CACNA2D3: variants seen among roughly 807,000 people sequenced by gnomAD.
CACNA2D3 encodes the protein calcium voltage-gated channel auxiliary subunit alpha2delta 3, also known as voltage-dependent calcium channel subunit alpha-2/delta-3.
Under a neutral mutation model 160.6 loss-of-function variants are expected in CACNA2D3, and 60 were observed. That is an observed-to-expected ratio of 0.37 (90% CI 0.30 to 0.46). The LOEUF is 0.46. Among genes scored for constraint, CACNA2D3 ranks in the 20% least tolerant of loss-of-function variants. The pLI is 1.00. For synonymous variants in CACNA2D3, 558 were observed against 492.9 expected (o/e 1.13, Z -1.75); for missense variants, 1,205 against 1,365.0 (o/e 0.88, Z 1.85).
intron 27 of CACNA2D3, among the ~76,000 whole-genome samples, chr3:54,924,200 T>C (rs922480107): frequency 6.6e-6 from 1 of 152,138 alleles, no homozygotes; most frequent in African/African-American, 2.4e-5. Context: ...AGTTGTCAAA[T>C]GGGTAGAAGC....
At chr3:54,185,512 G>A (rs1576985815) in intron 2 of CACNA2D3, among the ~76,000 whole-genome samples, 1 of 152,052 alleles carries the variant, frequency 6.6e-6, no homozygotes, top group African/African-American at 2.4e-5. Flanking sequence ...ATTTTTAGAG[G>A]TCAGTAACAT....
chr3:54,969,739 C>T, intron 28 of CACNA2D3, 61 bp from the exon 29 acceptor site: 1 of 1,436,824 alleles, frequency 7.0e-7, no homozygotes, highest in Non-Finnish European at 9.7e-7. Flanking sequence ...GCAGCCACAG[C>T]AGGCACTGGG....
intron 4 of CACNA2D3, among the ~76,000 whole-genome samples, chr3:54,457,322 G>T (rs1175363326): frequency 6.6e-6 from 1 of 151,866 alleles, no homozygotes; most frequent in Non-Finnish European, 1.5e-5. Context: ...TGACCCATTT[G>T]TTGTTCAAGA....
chr3:54,764,542 C>T (rs888275302), intron 13 of CACNA2D3, among the ~76,000 whole-genome samples, 191 bp downstream of exon 13: 1 of 152,190 alleles, frequency 6.6e-6, no homozygotes, highest in East Asian at 1.9e-4. Flanking sequence ...GAAAGTATGA[C>T]ACGTACTTCA....
chr3:54,468,445 A>G lies in CACNA2D3; in HGVS notation c.382-35047A>G, dbSNP rs565770198. On this transcript the variant is annotated intron_variant, in intron 4 of 37. Transcript: ENST00000474759. ...CAGTCTTTGCGACCTGCAGACCAGG[A>G]GATTCCCTCGGGTGCCTAGGCCACC... Among the ~76,000 whole-genome samples the G allele has an allele frequency of 3.9e-5, 6 of 152,314 alleles. No individual in the cohort carries two copies. In the South Asian group the frequency reaches 1.2e-3, roughly 32 times the overall value.
At chr3:54,953,372 G>A (rs776953415) in intron 27 of CACNA2D3, among the ~76,000 whole-genome samples, 15 of 152,150 alleles carry the variant, frequency 9.9e-5, no homozygotes, top group Non-Finnish European at 2.1e-4. Flanking sequence ...AACTGCTAAA[G>A]TGGTGGGGCC....
intron 4 of CACNA2D3, among the ~76,000 whole-genome samples, chr3:54,495,407 A>G (rs1701188022): frequency 1.3e-5 from 2 of 152,164 alleles, no homozygotes; most frequent in South Asian, 2.1e-4. Context: ...ATACAATTCA[A>G]TGAGTACTGA....
intron 2 of CACNA2D3, among the ~76,000 whole-genome samples, chr3:54,171,136 C>CTTTTTTTTTGTTTTTTTTTTTTTTTTT (rs1700558344): frequency 1.6e-5 from 1 of 62,542 alleles, no homozygotes; most frequent in Non-Finnish European, 2.9e-5. Context: ...AAGATGATGA[C>CTTTTTTTTTGTTTTTTTTTTTTTTTTT]TTTTTTTTTT....
chr3:54,499,489 T>G (rs1170065189), intron 4 of CACNA2D3, among the ~76,000 whole-genome samples: 1 of 152,184 alleles, frequency 6.6e-6, no homozygotes, highest in East Asian at 1.9e-4. Context: ...TTTTCTAAAG[T>G]AGAAGCTTAG....
At chr3:54,402,318 C>T (rs1017337083) in intron 4 of CACNA2D3, among the ~76,000 whole-genome samples, 1 of 151,988 alleles carries the variant, frequency 6.6e-6, no homozygotes, top group African/African-American at 2.4e-5. Flanking sequence ...ATTAAATTCT[C>T]CAACCAAAAG....
intron 27 of CACNA2D3, chr3:54,924,638 C>T: frequency 6.2e-7 from 1 of 1,613,800 alleles, no homozygotes; most frequent in Non-Finnish European, 8.5e-7. Flanking sequence ...CAAATTTCTC[C>T]AGCCAGAGTT....
At chr3:55,033,429 C>T (rs893866664) in intron 35 of CACNA2D3, among the ~76,000 whole-genome samples, 2 of 151,720 alleles carry the variant, frequency 1.3e-5, no homozygotes, top group Non-Finnish European at 2.9e-5. Context: ...GTGTCCCTCT[C>T]CTTGCATAGA....
At chr3:54,913,889 G>C (rs1700608489) in intron 27 of CACNA2D3, among the ~76,000 whole-genome samples, 1 of 152,124 alleles carries the variant, frequency 6.6e-6, no homozygotes, top group African/African-American at 2.4e-5. Flanking sequence ...ACGTGTTTTG[G>C]TTACTATGAG....
chr3:54,450,192 A>G (rs372279416), intron 4 of CACNA2D3, among the ~76,000 whole-genome samples: 1 of 152,158 alleles, frequency 6.6e-6, no homozygotes, highest in East Asian at 1.9e-4. Context: ...TGGCTTAAAA[A>G]CAACAGGAAT....
intron 2 of CACNA2D3, among the ~76,000 whole-genome samples, chr3:54,221,251 G>T (rs1331927710): frequency 6.6e-6 from 1 of 152,134 alleles, no homozygotes; most frequent in African/African-American, 2.4e-5. Flanking sequence ...ACTCTAAAAC[G>T]TTCAAATGTT....
intron 4 of CACNA2D3, among the ~76,000 whole-genome samples, chr3:54,449,318 A>G (rs923272670): frequency 6.6e-6 from 1 of 152,232 alleles, no homozygotes; most frequent in South Asian, 2.1e-4. Flanking sequence ...ACAGGAATTT[A>G]TCTCTATGTG....
intron 2 of CACNA2D3, among the ~76,000 whole-genome samples, chr3:54,180,078 T>G (rs1227074365): frequency 6.6e-6 from 1 of 150,808 alleles, no homozygotes; most frequent in African/African-American, 2.4e-5. Context: ...TTCTTTTTTT[T>G]TGGTTTTCTT....
intron 9 of CACNA2D3, among the ~76,000 whole-genome samples, chr3:54,587,622 G>C (rs1044919216): frequency 2.0e-5 from 3 of 151,968 alleles, no homozygotes; most frequent in Non-Finnish European, 4.4e-5. Context: ...TATCAGGAAT[G>C]AAACAAGAGA....
intron 4 of CACNA2D3, among the ~76,000 whole-genome samples, chr3:54,400,609 A>G (rs377546587): frequency 2.5e-4 from 38 of 152,322 alleles, no homozygotes; most frequent in African/African-American, 8.9e-4. Context: ...AGCCTAGTCT[A>G]CCAGACACCC....
Sources: gnomAD v4.1 joint callset for allele counts (sites outside exome capture counted in the v4.1 genomes callset) on GRCh38, gnomAD v4.1.1 for gene constraint, MANE v1.5 for transcripts, NCBI Gene and HGNC (gene_info 2026-07-23, HGNC 2026-07-21) for gene names.